SPAG16: variants seen among roughly 807,000 people sequenced by gnomAD.
SPAG16 encodes the protein sperm associated antigen 16.
A neutral mutation model predicts 80.4 loss-of-function variants in SPAG16; 86 were observed. The observed-to-expected ratio is 1.07, with a 90% confidence interval of 0.90 to 1.28. SPAG16 has a LOEUF of 1.28. Among genes scored for constraint, SPAG16 ranks in the 50% most tolerant of loss-of-function variants. The probability of loss-of-function intolerance (pLI) is 0.00; values close to 1 mark genes in which losing one functional copy is unlikely to be tolerated. For synonymous variants in SPAG16, 294 were observed against 265.9 expected (o/e 1.11, Z -1.03); for missense variants, 870 against 765.3 (o/e 1.14, Z -1.61).
At chr2:213,774,140 G>A (rs781371539) in intron 10 of SPAG16, among the ~76,000 whole-genome samples, 1 of 151,978 alleles carries the variant, frequency 6.6e-6, no homozygotes, top group South Asian at 2.1e-4. Context: ...ATATCTTTTG[G>A]TCTCTTTATC....
chr2:213,921,826 A>G (rs1369456579), intron 11 of SPAG16, among the ~76,000 whole-genome samples: 1 of 152,200 alleles, frequency 6.6e-6, no homozygotes, highest in East Asian at 1.9e-4. Flanking sequence ...CTTGTTTCAA[A>G]TATTATTTTA....
intron 10 of SPAG16, among the ~76,000 whole-genome samples, chr2:213,772,943 A>G (rs2069342307): frequency 6.6e-6 from 1 of 151,278 alleles, no homozygotes. Flanking sequence ...GTCCCTAATA[A>G]TTTTTTGAGA....
intron 15 of SPAG16, among the ~76,000 whole-genome samples, chr2:214,296,840 C>T (rs973656702): frequency 3.3e-5 from 5 of 152,148 alleles, no homozygotes; most frequent in African/African-American, 7.2e-5. Context: ...TCATGAATGG[C>T]TTGGTGCACA....
chr2:213,865,319 T>C (rs1017318032), intron 11 of SPAG16, among the ~76,000 whole-genome samples: 2 of 151,896 alleles, frequency 1.3e-5, no homozygotes, highest in East Asian at 3.9e-4. Flanking sequence ...GATATGAAAT[T>C]AATAACCATG....
intron 10 of SPAG16, among the ~76,000 whole-genome samples, chr2:213,780,551 CA>C: frequency 6.8e-6 from 1 of 146,818 alleles, no homozygotes; most frequent in South Asian, 2.2e-4. Context: ...AAAGCAGGTC[CA>C]AACATTTTTC....
intron 15 of SPAG16, among the ~76,000 whole-genome samples, chr2:214,152,503 A>G (rs1490582221): frequency 1.2e-4 from 18 of 152,134 alleles, no homozygotes; most frequent in Admixed American, 9.8e-4. Flanking sequence ...ATATTCTCTA[A>G]TAAGGAACTC....
intron 15 of SPAG16, among the ~76,000 whole-genome samples, chr2:214,322,263 T>C (rs1696146928): frequency 6.6e-6 from 1 of 152,174 alleles, no homozygotes; most frequent in Non-Finnish European, 1.5e-5. Context: ...TAAATTCTGA[T>C]TTCAATGGTC....
intron 13 of SPAG16, among the ~76,000 whole-genome samples, chr2:214,069,383 T>A (rs1434797755): frequency 6.6e-6 from 1 of 152,142 alleles, no homozygotes; most frequent in Non-Finnish European, 1.5e-5. Flanking sequence ...TGGTTTTGCT[T>A]TCATGACTCT....
intron 15 of SPAG16, among the ~76,000 whole-genome samples, chr2:214,253,748 G>T (rs1690473805): frequency 6.6e-6 from 1 of 152,118 alleles, no homozygotes; most frequent in African/African-American, 2.4e-5. Flanking sequence ...GATGCCTCCA[G>T]CTTTGTTCTT....
intron 11 of SPAG16, among the ~76,000 whole-genome samples, chr2:213,888,315 A>ACAAAGCTCCTGTTTATAAGTTAGC (rs2076647604): frequency 1.3e-5 from 2 of 150,914 alleles, no homozygotes; most frequent in Admixed American, 1.3e-4. Context: ...TATAAGTTAG[A>ACAAAGCTCCTGTTTATAAGTTAGC]GCATTCAGAG....
At chr2:214,307,181 C>T (rs11692161) in intron 15 of SPAG16, among the ~76,000 whole-genome samples, 48,154 of 151,786 alleles carry the variant, frequency 0.32, 7,684 homozygotes, top group Middle Eastern at 0.37. Context: ...TAGAGGTGTT[C>T]GTAATGTTCT....
At position 213,297,444 on chromosome 2, in the gene SPAG16, A is replaced by G. The variant is rs184769347; in HGVS notation, c.279+87A>G. 2.0e-3 allele frequency: 1,373 copies of G among 673,988 alleles called. 4 individuals carry two copies. The highest frequency in any genetic ancestry group is 4.6e-3 in the Middle Eastern group (18 of 3,952). The allele number at this position is 673,988 out of a possible 1,614,324, so 41.8% of individuals were successfully genotyped here. ...GGAAAGTCTTTTAAATGTAAATACT[A>G]GTGTAGCTCAGTCATCTGTTATATC... On this transcript the variant is annotated intron_variant, in intron 3 of 15. Transcript: ENST00000331683.
chr2:214,123,839 G>A (rs1017174797), intron 14 of SPAG16, among the ~76,000 whole-genome samples: 2 of 151,950 alleles, frequency 1.3e-5, no homozygotes, highest in Non-Finnish European at 2.9e-5. Flanking sequence ...GTCCCGTGGA[G>A]GAATAGCAAA....
At chr2:213,819,731 TTTTG>T (rs1380680580) in intron 10 of SPAG16, among the ~76,000 whole-genome samples, 1 of 151,892 alleles carries the variant, frequency 6.6e-6, no homozygotes, top group Non-Finnish European at 1.5e-5. Flanking sequence ...TCTTGTTGTT[TTTTG>T]TTTGATTGTT....
intron 10 of SPAG16, among the ~76,000 whole-genome samples, chr2:213,767,533 T>C (rs537561562): frequency 2.3e-4 from 35 of 151,920 alleles, no homozygotes; most frequent in African/African-American, 7.7e-4. Flanking sequence ...AGCCAGGCGG[T>C]TGAGAGGTCG....
At chr2:213,380,304 G>A (rs577139546) in intron 9 of SPAG16, among the ~76,000 whole-genome samples, 70 of 152,256 alleles carry the variant, frequency 4.6e-4, no homozygotes, top group African/African-American at 1.7e-3. Flanking sequence ...ACTTTCGGAT[G>A]GTGCCTGCAT....
chr2:214,147,629 T>C (rs1334537420), intron 14 of SPAG16, among the ~76,000 whole-genome samples: 1 of 152,208 alleles, frequency 6.6e-6, no homozygotes, highest in Non-Finnish European at 1.5e-5. Flanking sequence ...TTCTTTCCTT[T>C]TCTGAAATGA....
At chr2:214,305,194 A>G (rs1180543318) in intron 15 of SPAG16, among the ~76,000 whole-genome samples, 1 of 152,116 alleles carries the variant, frequency 6.6e-6, no homozygotes, top group Non-Finnish European at 1.5e-5. Flanking sequence ...GTGCCTGTTC[A>G]TATCCGTTGC....
intron 11 of SPAG16, among the ~76,000 whole-genome samples, chr2:213,896,839 C>T (rs930541602): frequency 6.6e-6 from 1 of 151,870 alleles, no homozygotes; most frequent in Non-Finnish European, 1.5e-5. Flanking sequence ...AACACATGTT[C>T]TTACTCATAT....
Sources: gnomAD v4.1 joint callset for allele counts (sites outside exome capture counted in the v4.1 genomes callset) on GRCh38, gnomAD v4.1.1 for gene constraint, MANE v1.5 for transcripts, NCBI Gene and HGNC (gene_info 2026-07-23, HGNC 2026-07-21) for gene names.